Variants in WDR25 observed in about 807,000 individuals in gnomAD.
The protein encoded by WDR25 is WD repeat-containing protein 25.
In WDR25, 35 loss-of-function variants were observed where a neutral mutation model predicts 47.7. The observed-to-expected ratio is 0.73, with a 90% confidence interval of 0.56 to 0.97. The LOEUF (loss-of-function observed/expected upper bound fraction) is 0.97. WDR25 is among the 50% of genes least tolerant of loss of function. The pLI, the probability that WDR25 is intolerant of heterozygous loss-of-function variation, is 0.00. For synonymous variants in WDR25, 248 were observed against 278.9 expected (o/e 0.89, Z 1.10); for missense variants, 634 against 704.7 (o/e 0.90, Z 1.14).
chr14:100,383,527 C>T (rs1425707655), intron 2 of WDR25, among the ~76,000 whole-genome samples: 3 of 152,328 alleles, frequency 2.0e-5, no homozygotes, highest in East Asian at 3.9e-4. Flanking sequence ...TTTACCTGCC[C>T]GCTCACCTCT....
At chr14:100,421,973 G>A (rs1443120196) in intron 2 of WDR25, among the ~76,000 whole-genome samples, 1 of 152,150 alleles carries the variant, frequency 6.6e-6, no homozygotes, top group Non-Finnish European at 1.5e-5. Context: ...CTCCTGGAAG[G>A]TTGTTTTTAC....
At chr14:100,520,835 C>A (rs942273862) in intron 4 of WDR25, among the ~76,000 whole-genome samples, 1 of 152,114 alleles carries the variant, frequency 6.6e-6, no homozygotes, top group African/African-American at 2.4e-5. Flanking sequence ...CTGTTGTTAC[C>A]CCTACTTTAC....
intron 3 of WDR25, among the ~76,000 whole-genome samples, chr14:100,479,870 A>T (rs1001275314): frequency 2.0e-5 from 3 of 152,116 alleles, no homozygotes; most frequent in African/African-American, 7.2e-5. Context: ...ACGGAGCCCT[A>T]TTGTGAACTG....
chr14:100,403,673 A>G (rs1897447225), intron 2 of WDR25, among the ~76,000 whole-genome samples: 1 of 152,218 alleles, frequency 6.6e-6, no homozygotes, highest in Non-Finnish European at 1.5e-5. Context: ...ATAATGTAAA[A>G]TCAGTGTGGA....
Position 100,525,787 on chromosome 14 carries a change from C to A in WDR25, c.1102-83C>A. The A allele has an allele frequency of 6.6e-7, 1 of 1,523,076 alleles. No homozygotes were observed. Among genetic ancestry groups the A allele is most frequent in the South Asian group, 1.2e-5 (1 of 81,272 alleles). The allele number at this position is 1,523,076 out of a possible 1,614,324, so 94.3% of individuals were successfully genotyped here. ...GCATAAACTTCACTAAACCTGCCTG[C>A]CCCCTGGGTCCTTGGCCTTCCCTGC... is the stretch of plus-strand genomic sequence containing the variant. On this transcript the variant is annotated intron_variant, in intron 4 of 6. Transcript: ENST00000402312. This position sits in a 1 kb window ranked among gnomAD's most constrained non-coding sequence, Gnocchi z 4.6.
intron 2 of WDR25, among the ~76,000 whole-genome samples, chr14:100,390,125 T>C (rs765412255): frequency 1.3e-4 from 20 of 152,234 alleles, no homozygotes; most frequent in Non-Finnish European, 2.5e-4. Flanking sequence ...GGAAGTGTTC[T>C]GTCATGTTTT....
In WDR25 at chr14:100,440,303, A is replaced by G. The variant is rs1229078877; in HGVS notation, c.823-27718A>G. ...ATGTGCAGGAATTCTTTGATTGCAA[A>G]ATAGCTACTCTCAAAATGCAGACAG... On this transcript the variant is annotated intron_variant, in intron 2 of 6. Transcript: ENST00000402312. The surrounding 1 kb of genome is among the most constrained non-coding windows in gnomAD (Gnocchi z 4.4). Among the ~76,000 whole-genome samples the G allele has an allele frequency of 1.3e-5, 2 of 152,224 alleles. No individual in the cohort carries two copies. The highest frequency in any genetic ancestry group is 3.8e-4 in the East Asian group (2 of 5,202).
In WDR25 at chr14:100,385,471, A is replaced by T. The variant is rs1007224569; in HGVS notation, c.822+3725A>T. 3.9e-4 allele frequency among the ~76,000 whole-genome samples: 59 copies of T among 152,226 alleles called. 1 individual carries two copies. The highest frequency in any genetic ancestry group is 1.0e-4 in the Non-Finnish European group (7 of 68,042). On this transcript the variant is annotated intron_variant, in intron 2 of 6. Coordinates refer to ENST00000402312, the MANE Select transcript of WDR25 (RefSeq NM_001161476.3). ...AGTCCAACTTATTAATCTAAAGAAC[A>T]TGGAGTGCCAGTTCCTTCATATCCT...
intron 2 of WDR25, among the ~76,000 whole-genome samples, chr14:100,455,990 G>A (rs78596145): frequency 0.031 from 4,785 of 152,270 alleles, 238 homozygotes; most frequent in African/African-American, 0.11. Flanking sequence ...AGGTGAGGAG[G>A]TGGGGTATCT....
At chr14:100,472,986 T>G (rs10140756) in intron 3 of WDR25, among the ~76,000 whole-genome samples, 109,235 of 152,146 alleles carry the variant, frequency 0.72, 40,839 homozygotes, top group African/African-American at 0.93. Flanking sequence ...GGGAGTCATG[T>G]TGTGTGGAAG....
rs147364596 is a variant in WDR25, at chr14:100,449,673, G to T, written c.823-18348G>T. Among the ~76,000 whole-genome samples the T allele has an allele frequency of 4.7e-3, 718 of 152,306 alleles. 5 individuals are homozygous for T. The highest frequency in any genetic ancestry group is 0.017 in the African/African-American group (688 of 41,560). On this transcript the variant is annotated intron_variant, in intron 2 of 6. Transcript: ENST00000402312. This position sits in a 1 kb window ranked among gnomAD's most constrained non-coding sequence, Gnocchi z 4.2. ...TTCCAGGAGCCCCCACTCAGTAACT[G>T]CTGAGAGCATCCCTGAGTCCCTGCA...
rs1900740004 is a variant in WDR25 at position 100,496,784 on chromosome 14, T to G, written c.1101+12660T>G. On this transcript the variant is annotated intron_variant, in intron 4 of 6. Coordinates refer to ENST00000402312, the MANE Select transcript of WDR25 (RefSeq NM_001161476.3). ...TTCAGTTTCCAAGCATGTGGAAACA[T>G]CTGGAGATTTGCCAGATTTTTCTTT... is the stretch of plus-strand genomic sequence containing the variant. 2.0e-5 allele frequency among the ~76,000 whole-genome samples: 3 copies of G among 151,492 alleles called. No homozygotes were observed. The South Asian group carries it at 6.2e-4, about 31-fold the overall frequency.
At chr14:100,445,133 C>T (rs868505628) in intron 2 of WDR25, among the ~76,000 whole-genome samples, 2 of 152,294 alleles carry the variant, frequency 1.3e-5, no homozygotes, top group Middle Eastern at 3.4e-3. Context: ...TCACATCTCC[C>T]AGCAACCTCA....
At position 100,498,899 on chromosome 14, in the gene WDR25, T is replaced by G. The variant is rs945142765; in HGVS notation, c.1101+14775T>G. ...TGTCCCTCCCCTTCTGTCTCTTACT[T>G]GGCCTGAGTGGGGCTGTGAGCCGAT... On this transcript the variant is annotated intron_variant, in intron 4 of 6. Transcript: ENST00000402312. This position sits in a 1 kb window ranked among gnomAD's most constrained non-coding sequence, Gnocchi z 4.2. 2.0e-5 allele frequency among the ~76,000 whole-genome samples: 3 copies of G among 152,194 alleles called. No homozygotes were observed. The East Asian group carries it at 5.8e-4, about 29-fold the overall frequency.
rs756025710 is a variant in WDR25, at chr14:100,381,422, G to GA, written c.504dup (p.Cys169MetfsTer2). The GA allele has an allele frequency of 4.3e-6, 7 of 1,614,050 alleles. No homozygotes were observed. The highest frequency in any genetic ancestry group is 5.9e-6 in the Non-Finnish European group (7 of 1,180,036). On this transcript the variant is annotated frameshift_variant, in exon 2 of 7. Coordinates refer to ENST00000402312, the MANE Select transcript of WDR25 (RefSeq NM_001161476.3). LOFTEE classifies it high-confidence loss of function. ...GTAAAAATGGCAGCTCTTTTCAGAAGAAAAAATGTGAGGACTGTGTGGTAC... is the reference window on the plus strand; with the variant it reads ...GTAAAAATGGCAGCTCTTTTCAGAAGAAAAAAATGTGAGGACTGTGTGGTAC...
intron 2 of WDR25, among the ~76,000 whole-genome samples, chr14:100,434,761 C>T (rs1468408658): frequency 3.3e-5 from 5 of 152,254 alleles, no homozygotes; most frequent in Admixed American, 2.6e-4. Flanking sequence ...ACCCAGCTCC[C>T]ACCCTGCCCT....
At chr14:100,514,113 T>G (rs946628732) in intron 4 of WDR25, among the ~76,000 whole-genome samples, 53 of 151,720 alleles carry the variant, frequency 3.5e-4, no homozygotes, top group Non-Finnish European at 5.2e-4. Context: ...TTTTTTTGTA[T>G]TTTTAGTAGA....
chr14:100,399,439 C>T (rs79477069), intron 2 of WDR25, among the ~76,000 whole-genome samples: 4,809 of 151,960 alleles, frequency 0.032, 104 homozygotes, highest in Middle Eastern at 0.054. Flanking sequence ...ATGTCTTTTT[C>T]GGTACTTTTT....
chr14:100,498,052 A>G lies in WDR25; in HGVS notation c.1101+13928A>G, dbSNP rs1900792642. ...GGACCTGCAGTATAACTCTGCAAAGATTGTATGACTTTAGGAAAGTTTGTG... is the reference window on the plus strand; with the variant it reads ...GGACCTGCAGTATAACTCTGCAAAGGTTGTATGACTTTAGGAAAGTTTGTG... On this transcript the variant is annotated intron_variant, in intron 4 of 6. Transcript: ENST00000402312. This position sits in a 1 kb window ranked among gnomAD's most constrained non-coding sequence, Gnocchi z 4.2. 6.6e-6 allele frequency among the ~76,000 whole-genome samples: 1 copy of G among 152,190 alleles called. No individual in the cohort carries two copies. Among genetic ancestry groups the G allele is most frequent in the African/African-American group, 2.4e-5 (1 of 41,440 alleles).
Sources: allele counts gnomAD v4.1 joint callset (sites outside exome capture counted in the v4.1 genomes callset), GRCh38; gene constraint gnomAD v4.1.1; non-coding constraint Gnocchi (gnomAD v3.1); transcripts MANE v1.5; gene names NCBI Gene and HGNC (gene_info 2026-07-23, HGNC 2026-07-21).